The following USP47 variants were observed in gnomAD, a reference collection of about 807,000 sequenced individuals.
The protein encoded by USP47 is ubiquitin carboxyl-terminal hydrolase 47.
USP47 carries 35 observed loss-of-function variants against 165.1 expected under a neutral mutation model. The observed-to-expected ratio is 0.21, with a 90% CI of 0.16 to 0.28. USP47 has a LOEUF of 0.28. Ranked by LOEUF, USP47 falls within the 10% of genes least tolerant of loss-of-function variation. The probability of loss-of-function intolerance (pLI) is 1.00; values close to 1 mark genes in which losing one functional copy is unlikely to be tolerated. For synonymous variants in USP47, 531 were observed against 544.5 expected (o/e 0.98, Z 0.35); for missense variants, 1,277 against 1,607.4 (o/e 0.79, Z 3.52).
Position 11,884,556 on chromosome 11 carries a change from T to C in USP47, c.333T>C (p.Asp111=). 6.2e-7 allele frequency: 1 copy of C among 1,609,718 alleles called. No individual in the cohort carries two copies. The highest frequency in any genetic ancestry group is 8.5e-7 in the Non-Finnish European group (1 of 1,178,688). The change falls in exon 3 of 28, where the codon GAT becomes GAC. Residue 111 remains aspartate (D), a synonymous_variant. Coordinates refer to ENST00000527733, the MANE Select transcript of USP47 (RefSeq NM_001282659.2). ...ACTTTCTGCATTTGACAGATAAAGA[T>C]GGTGAACAACCTCAAATACTGCTGG... The part of the protein sequence containing the change: ...KKNFLHLTDK[D]GEQPQILLED...
At chr11:11,861,389 C>T (rs911191835) in intron 1 of USP47, among the ~76,000 whole-genome samples, 1 of 152,170 alleles carries the variant, frequency 6.6e-6, no homozygotes, top group African/African-American at 2.4e-5. Flanking sequence ...AGCTACCACA[C>T]CCGGCCCCAT....
chr11:11,908,575 AT>A (rs548867635), intron 8 of USP47, among the ~76,000 whole-genome samples: 1 of 152,126 alleles, frequency 6.6e-6, no homozygotes, highest in South Asian at 2.1e-4. Flanking sequence ...CTAACTTATT[AT>A]AATATCCACA....
intron 8 of USP47, among the ~76,000 whole-genome samples, chr11:11,911,162 G>A (rs1383317745): frequency 6.6e-6 from 1 of 152,088 alleles, no homozygotes; most frequent in African/African-American, 2.4e-5. Flanking sequence ...TAGAATGATA[G>A]ATATTACCCA....
chr11:11,911,828 A>G (rs1208995243), intron 8 of USP47, among the ~76,000 whole-genome samples: 1 of 152,094 alleles, frequency 6.6e-6, no homozygotes, highest in African/African-American at 2.4e-5. Flanking sequence ...TCCATTAAAT[A>G]TATACGAGGA....
At chr11:11,947,858 T>A (rs1334424763) in intron 20 of USP47, 87 bp from the exon 21 acceptor site, 1 of 1,380,780 alleles carries the variant, frequency 7.2e-7, no homozygotes, top group Non-Finnish European at 9.8e-7. Context: ...GCATACAGTG[T>A]AATAAAAAGT....
At chr11:11,931,182 A>T (rs1260362382) in intron 14 of USP47, among the ~76,000 whole-genome samples, 2 of 141,112 alleles carry the variant, frequency 1.4e-5, no homozygotes, top group Non-Finnish European at 3.0e-5. Context: ...TTTCATAATT[A>T]AAAAAAATAT....
At chr11:11,902,392 T>A (rs1187195579) in intron 5 of USP47, among the ~76,000 whole-genome samples, 1 of 152,228 alleles carries the variant, frequency 6.6e-6, no homozygotes, top group Non-Finnish European at 1.5e-5. Flanking sequence ...TTCTGTTTCC[T>A]GTATTTTTGT....
intron 24 of USP47, chr11:11,951,589 AT>A (rs1856230395): frequency 6.6e-6 from 1 of 152,106 alleles, no homozygotes; most frequent in Admixed American, 6.6e-5. Flanking sequence ...GAAAATTTTA[AT>A]TTTCCTTTTC....
intron 21 of USP47, 114 bp from the exon 22 acceptor site, chr11:11,948,364 C>T: frequency 1.1e-6 from 1 of 928,562 alleles, no homozygotes; most frequent in Non-Finnish European, 1.6e-6. Context: ...AAAGATATGC[C>T]TGTTCTCAGA....
chr11:11,914,465 A>C (rs1853259100), intron 8 of USP47, among the ~76,000 whole-genome samples: 1 of 152,174 alleles, frequency 6.6e-6, no homozygotes. Context: ...CATAGGAGAA[A>C]GTCTTCCAGA....
At position 11,958,834 on chromosome 11, in the gene USP47, A is replaced by G. The variant is rs1055490283; in HGVS notation, c.*2659A>G. ...AAGAGCAATCATGATAGATAAGAAC[A>G]GTGTGTGAAGCAGCCTTCACACTAG... On this transcript the variant is annotated 3_prime_UTR_variant, in exon 28 of 28. Coordinates refer to ENST00000527733, the MANE Select transcript of USP47 (RefSeq NM_001282659.2). 6.6e-6 allele frequency: 1 copy of G among 152,238 alleles called. No individual in the cohort carries two copies. Among genetic ancestry groups the G allele is most frequent in the Non-Finnish European group, 1.5e-5 (1 of 68,050 alleles). The allele number at this position is 152,238 out of a possible 1,614,324, so 9.4% of individuals were successfully genotyped here. A position where few individuals can be genotyped will look rare whatever the true frequency, so the allele number is the denominator to read the frequency against.
intron 1 of USP47, among the ~76,000 whole-genome samples, chr11:11,877,327 A>G (rs1222326031): frequency 6.6e-6 from 1 of 152,180 alleles, no homozygotes; most frequent in Non-Finnish European, 1.5e-5. Context: ...CACATGTTAT[A>G]TTAAAGTATA....
chr11:11,899,270 C>T (rs1289775709), intron 5 of USP47, among the ~76,000 whole-genome samples: 1 of 152,160 alleles, frequency 6.6e-6, no homozygotes, highest in African/African-American at 2.4e-5. Context: ...GAATGGGGAT[C>T]CTGGGCACTT....
intron 22 of USP47, among the ~76,000 whole-genome samples, chr11:11,949,360 C>A (rs918671100): frequency 2.0e-5 from 3 of 152,056 alleles, no homozygotes; most frequent in African/African-American, 7.2e-5. Context: ...AAGAACTAGA[C>A]AAATGTGAAA....
chr11:11,923,374 G>A (rs148686213), intron 11 of USP47, among the ~76,000 whole-genome samples: 111 of 152,098 alleles, frequency 7.3e-4, no homozygotes, highest in African/African-American at 2.5e-3. Context: ...ATCTTTCTGA[G>A]TAGGGAAATG....
At chr11:11,874,473 C>CT (rs60280106) in intron 1 of USP47, among the ~76,000 whole-genome samples, 19 of 151,910 alleles carry the variant, frequency 1.3e-4, no homozygotes, top group African/African-American at 4.1e-4. Context: ...AATAAAGTCT[C>CT]TTTTTTTAAT....
chr11:11,879,380 G>T (rs1850684226), intron 1 of USP47, among the ~76,000 whole-genome samples: 1 of 151,936 alleles, frequency 6.6e-6, no homozygotes, highest in Non-Finnish European at 1.5e-5. Context: ...ATTATAGAAG[G>T]AGGGAAAGGA....
At position 11,914,207 on chromosome 11, in the gene USP47, G is replaced by C. The variant is rs373860002; in HGVS notation, c.970-5949G>C. On this transcript the variant is annotated intron_variant, in intron 8 of 27. Coordinates refer to ENST00000527733, the MANE Select transcript of USP47 (RefSeq NM_001282659.2). ...CTATGTGATATTGGTAGAGGGGTAG[G>C]CAAATAGATCCGTGGAGTAGAATAG... 5.3e-5 allele frequency among the ~76,000 whole-genome samples: 8 copies of C among 152,144 alleles called. No individual in the cohort carries two copies. The East Asian group carries it at 9.7e-4, about 18-fold the overall frequency.
At chr11:11,883,162 A>G (rs1239849731) in intron 2 of USP47, among the ~76,000 whole-genome samples, 1 of 152,190 alleles carries the variant, frequency 6.6e-6, no homozygotes, top group African/African-American at 2.4e-5. Flanking sequence ...TAAGGAACCC[A>G]GCAATCCCTT....
Sources: allele counts gnomAD v4.1 joint callset (sites outside exome capture counted in the v4.1 genomes callset), GRCh38; gene constraint gnomAD v4.1.1; transcripts MANE v1.5; gene names NCBI Gene and HGNC (gene_info 2026-07-23, HGNC 2026-07-21).